CP: variants seen among roughly 807,000 people sequenced by gnomAD.
CP encodes caeruloplasmin.
A neutral mutation model predicts 122.4 loss-of-function variants in CP; 64 were observed. The ratio of observed to expected loss-of-function variants is 0.52; its 90% confidence interval spans 0.43 to 0.64. CP has a LOEUF of 0.64. Ranked by LOEUF, CP falls within the 30% of genes least tolerant of loss-of-function variation. The pLI is 0.00. For missense variants in CP, 1,167 were observed against 1,284.4 expected (o/e 0.91, Z 1.40); for synonymous variants, 440 against 436.4 (o/e 1.01, Z -0.10).
downstream of CP, chr3:149,172,307 T>C (rs1202129100): frequency 9.5e-6 from 8 of 844,488 alleles, no homozygotes; most frequent in East Asian, 2.2e-4. Context: ...AGGAGTTTTT[T>C]ATTTTATATA....
At chr3:149,190,605 C>T (rs11710581) in intron 9 of CP, among the ~76,000 whole-genome samples, 8,917 of 143,272 alleles carry the variant, frequency 0.062, 307 homozygotes, top group African/African-American at 0.079. Context: ...TTGCAGTGAG[C>T]TGAGATCACA....
At position 149,173,475 on chromosome 3, in the gene CP, T is replaced by C; in HGVS notation, c.*239A>G. The C allele has an allele frequency of 2.8e-6, 1 of 360,074 alleles. No individual in the cohort carries two copies. Among genetic ancestry groups the C allele is most frequent in the Non-Finnish European group, 5.2e-6 (1 of 191,868 alleles). 22.3% of individuals were successfully genotyped at this position (360,074 alleles called of 1,614,324 possible). On this transcript the variant is annotated 3_prime_UTR_variant, in exon 19 of 19. Coordinates refer to ENST00000264613, the MANE Select transcript of CP (RefSeq NM_000096.4). ...ACAGCGGTGATATCATTAGACTGTA[T>C]GAATCAGTTTTATTACCTAGTGTAC...
intron 14 of CP, 119 bp from the exon 15 acceptor site, chr3:149,179,781 A>ATG: frequency 1.4e-6 from 1 of 716,494 alleles, no homozygotes; most frequent in African/African-American, 1.8e-5. Context: ...GGAACTGGAA[A>ATG]TGTCAGTGTA....
chr3:149,165,078 C>T (rs35151157), intron 5 of CP, among the ~76,000 whole-genome samples: 1 of 152,048 alleles, frequency 6.6e-6, no homozygotes, highest in African/African-American at 2.4e-5. Flanking sequence ...AAAAAATAAC[C>T]AAAGAAGATT....
chr3:149,217,764 G>GA (rs1728559750), intron 1 of CP: 1 of 187,620 alleles, frequency 5.3e-6, no homozygotes, highest in African/African-American at 2.4e-5. Context: ...GGATATAATG[G>GA]AAAAAAAGTA....
rs891753397 is a variant in CP at position 149,202,581 on chromosome 3, TTTGTTG to T, written c.1209-346_1209-341del. On this transcript the variant is annotated intron_variant, in intron 6 of 18. Coordinates refer to ENST00000264613, the MANE Select transcript of CP (RefSeq NM_000096.4). ...TGTTTAAAAACACAGTGGCTAGTTT[TTTGTTG>T]TTGTTGTTGTTGTTTGTCTTTTTTT... Among the ~76,000 whole-genome samples, 6 of 151,804 alleles carry T rather than the reference TTTGTTG, an allele frequency of 4.0e-5. No individual in the cohort carries two copies. In the East Asian group the frequency reaches 7.7e-4, roughly 20 times the overall value.
chr3:149,194,749 A>G (rs977560869), intron 9 of CP, among the ~76,000 whole-genome samples: 1 of 152,204 alleles, frequency 6.6e-6, no homozygotes, highest in African/African-American at 2.4e-5. Flanking sequence ...TGTACTCCCT[A>G]CTTTAACTTA....
Position 149,198,037 on chromosome 3 carries a change from A to T in CP, c.1713+330T>A, listed in dbSNP as rs930160428. Among the ~76,000 whole-genome samples the T allele has an allele frequency of 3.9e-5, 6 of 152,356 alleles. 1 individual carries two copies. The highest frequency in any genetic ancestry group is 1.3e-4 in the Admixed American group (2 of 15,296). ...CTACAGGACCAATGACTCTTGCAAC[A>T]GAAAAATTGCAAGTAAACAATCTTA... On this transcript the variant is annotated intron_variant, in intron 9 of 18. Coordinates refer to ENST00000264613, the MANE Select transcript of CP (RefSeq NM_000096.4).
At position 149,202,201 on chromosome 3, in the gene CP, C is replaced by T. The variant is rs2108278130; in HGVS notation, c.1249G>A (p.Gly417Arg). Residue 417 changes from glycine to arginine, a missense_variant, in exon 7 of 19, where the codon GGA (glycine) becomes AGA (arginine). Transcript: ENST00000264613. ...VFFEQGTTRI[G>R]GSYKKLVYRE... ...TAAACCAGCTTTTTATAAGAGCCTC[C>T]AATTCTTGTGGTACCTTGTTCAAAA... The T allele has an allele frequency of 6.2e-7, 1 of 1,614,116 alleles. No homozygotes were observed. Among genetic ancestry groups the T allele is most frequent in the South Asian group, 1.1e-5 (1 of 91,078 alleles).
At chr3:149,219,962 C>T (rs1252749129) in intron 1 of CP, among the ~76,000 whole-genome samples, 4 of 151,660 alleles carry the variant, frequency 2.6e-5, no homozygotes, top group Non-Finnish European at 5.9e-5. Context: ...AACTGTGAGT[C>T]CATTAAACCT....
In CP at chr3:149,199,943, G is replaced by C. The variant is rs907700293; in HGVS notation, c.1349-79C>G. On this transcript the variant is annotated intron_variant, in intron 7 of 18. Transcript: ENST00000264613. ...TATAAGATAGTTATCTTCTTTGACT[G>C]TGTTCTCTGGCAAGAACTACTAGGA... The C allele has an allele frequency of 3.4e-6, 5 of 1,454,438 alleles. No homozygotes were observed. The African/African-American group carries it at 7.0e-5, about 20-fold the overall frequency. 90.1% of individuals were successfully genotyped at this position (1,454,438 alleles called of 1,614,324 possible).
chr3:149,178,694 A>G, intron 15 of CP, 63 bp from the exon 16 acceptor site: 1 of 1,229,244 alleles, frequency 8.1e-7, no homozygotes, highest in Non-Finnish European at 1.2e-6. Flanking sequence ...GAGAACTGAG[A>G]CTTTGCACCC....
intron 9 of CP, among the ~76,000 whole-genome samples, chr3:149,194,924 C>T (rs1726797969): frequency 6.6e-6 from 1 of 152,080 alleles, no homozygotes; most frequent in Admixed American, 6.5e-5. Flanking sequence ...TATTAAAGGG[C>T]TCTCCTAATA....
chr3:149,216,129 T>C (rs1042947957), intron 1 of CP, among the ~76,000 whole-genome samples: 3 of 152,218 alleles, frequency 2.0e-5, no homozygotes, highest in Non-Finnish European at 4.4e-5. Context: ...ACATATATTT[T>C]TTATTGCTGC....
intron 13 of CP, among the ~76,000 whole-genome samples, chr3:149,183,122 T>A (rs1306616042): frequency 6.6e-6 from 1 of 151,992 alleles, no homozygotes; most frequent in Non-Finnish European, 1.5e-5. Flanking sequence ...CTACACACCA[T>A]CCTGGGCGAC....
At chr3:149,162,855 C>G in exon 6 of CP, 1 of 1,613,732 alleles carries the variant, frequency 6.2e-7, no homozygotes, top group Non-Finnish European at 8.5e-7. Flanking sequence ...TGACACCACA[C>G]CATTGCGAAC....
At chr3:149,210,486 A>G in intron 2 of CP, 107 bp from the exon 3 acceptor site, 1 of 978,716 alleles carries the variant, frequency 1.0e-6, no homozygotes, top group Non-Finnish European at 1.6e-6. Context: ...AACATCTACT[A>G]TGTGATCCTT....
At chr3:149,188,917 CATG>C (rs1211190484) in intron 9 of CP, among the ~76,000 whole-genome samples, 1 of 151,934 alleles carries the variant, frequency 6.6e-6, no homozygotes, top group Non-Finnish European at 1.5e-5. Flanking sequence ...CCTTCAGATA[CATG>C]ATAAGGTGAT....
At position 149,179,642 on chromosome 3, in the gene CP, A is replaced by G. The variant is rs1725651811; in HGVS notation, c.2575T>C (p.Trp859Arg). The G allele has an allele frequency of 4.3e-6, 7 of 1,613,440 alleles. No homozygotes were observed. The highest frequency in any genetic ancestry group is 5.9e-6 in the Non-Finnish European group (7 of 1,179,700). ...TLPGETLTYV[W>R]KIPERSGAGT... ...GCTCCAGATCTTTCTGGGATTTTCC[A>G]TACGTAAGTGAGAGTTTCACCTAAA... The change falls in exon 15 of 19, where the codon TGG becomes CGG. Residue 859 changes from tryptophan (W) to arginine (R), a missense_variant. Around this residue, in one of 2 missense-constraint regions of CP, gnomAD observed 525 missense variants for 657.2 expected, o/e 0.80. Transcript: ENST00000264613.
Sources: allele counts gnomAD v4.1 joint callset (sites outside exome capture counted in the v4.1 genomes callset), GRCh38; gene constraint gnomAD v4.1.1; regional missense constraint gnomAD v4.1.1; transcripts MANE v1.5; gene names NCBI Gene and HGNC (gene_info 2026-07-23, HGNC 2026-07-21).